The following RAP1GAP variants were observed in gnomAD, a reference collection of about 807,000 sequenced individuals.
RAP1GAP encodes RAP1 GTPase activating protein.
In RAP1GAP, 35 loss-of-function variants were observed where a neutral mutation model predicts 87.2. The ratio of observed to expected loss-of-function variants is 0.40; its 90% CI spans 0.31 to 0.53. RAP1GAP has a LOEUF of 0.53. Among genes scored for constraint, RAP1GAP ranks in the 20% least tolerant of loss-of-function variants. RAP1GAP has a pLI of 0.48. For synonymous variants in RAP1GAP, 375 were observed against 363.9 expected (o/e 1.03, Z -0.35); for missense variants, 734 against 898.9 (o/e 0.82, Z 2.35).
At chr1:21,597,835 C>G in intron 23 of RAP1GAP, 107 bp from the exon 24 acceptor site, 2 of 1,532,462 alleles carry the variant, frequency 1.3e-6, no homozygotes, top group Non-Finnish European at 1.8e-6. Context: ...GGGCAAGCCC[C>G]ACCCCTCCTG....
chr1:21,646,834 T>TCCTCTTGCATCTGCACACCTACTCTG (rs2096094490), intron 2 of RAP1GAP, among the ~76,000 whole-genome samples: 1 of 152,144 alleles, frequency 6.6e-6, no homozygotes, highest in Non-Finnish European at 1.5e-5. Flanking sequence ...TGGGCCTCCT[T>TCCTCTTGCATCTGCACACCTACTCTG]CCTCTTGCAT....
chr1:21,606,114 G>T lies in RAP1GAP; in HGVS notation c.1380C>A (p.Ser460Arg). The change falls in exon 18 of 25, where the codon AGC (serine) becomes AGA (arginine). Residue 460 changes from serine (S) to arginine (R), a missense_variant. By Grantham distance (110) the Ser-to-Arg change is moderately radical (BLOSUM62 -1). Transcript: ENST00000374765. ...CGGGGTTGTTGGGCGCGAAGCTCCC[G>T]CTGTGGCTGGTGGACACGGTGTTGG... is the stretch of plus-strand genomic sequence containing the variant. ...KKPNTVSTSH[S>R]GSFAPNNPDL... 6.3e-7 allele frequency: 1 copy of T among 1,587,368 alleles called. No homozygotes were observed. Among genetic ancestry groups the T allele is most frequent in the Non-Finnish European group, 8.6e-7 (1 of 1,167,162 alleles).
In RAP1GAP at chr1:21,626,292, G is replaced by A. The variant is rs2150262526; in HGVS notation, c.-19+12C>T. The stretch of plus-strand genomic sequence containing the variant: ...CAGACCAGGGGCCGTAGGTATGGAG[G>A]GGGACACTTACCTTAGGGTAGAGTG... On this transcript the variant is annotated intron_variant, in intron 3 of 24. Transcript: ENST00000374765. 1 of 1,584,534 alleles carries A rather than the reference G, an allele frequency of 6.3e-7. No homozygotes were observed. The highest frequency in any genetic ancestry group is 8.7e-7 in the Non-Finnish European group (1 of 1,153,222).
intron 2 of RAP1GAP, among the ~76,000 whole-genome samples, chr1:21,635,077 T>C (rs1558800306): frequency 6.6e-6 from 1 of 152,170 alleles, no homozygotes; most frequent in Non-Finnish European, 1.5e-5. Flanking sequence ...AACTGGAGCC[T>C]GGATGGAGAT....
At chr1:21,606,799 G>A (rs944486622) in intron 17 of RAP1GAP, among the ~76,000 whole-genome samples, 5 of 152,164 alleles carry the variant, frequency 3.3e-5, no homozygotes, top group Non-Finnish European at 5.9e-5. Flanking sequence ...CATGCCAACT[G>A]AGGCAGGGGT....
At chr1:21,598,341 T>C in intron 22 of RAP1GAP, 59 bp downstream of exon 22, 3 of 1,461,184 alleles carry the variant, frequency 2.1e-6, no homozygotes, top group Non-Finnish European at 2.9e-6. Flanking sequence ...TGCCCAGCCC[T>C]GTCCCCCTCC....
At chr1:21,646,818 T>C (rs2096093337) in intron 2 of RAP1GAP, among the ~76,000 whole-genome samples, 1 of 152,122 alleles carries the variant, frequency 6.6e-6, no homozygotes, top group Non-Finnish European at 1.5e-5. Context: ...CTCCCAACCC[T>C]CACACTGGGC....
chr1:21,634,817 G>T lies in RAP1GAP; in HGVS notation c.-112-8420C>A. ...CTCAGGTGGCCTGAGCCCCACTGTG[G>T]CCAAAACCTGACCCTTCCCACCCCA... On this transcript the variant is annotated intron_variant, in intron 2 of 24. Transcript: ENST00000374765. The surrounding 1 kb of genome is among the most constrained non-coding windows in gnomAD (Gnocchi z 4.1). The T allele has an allele frequency of 2.4e-6, 1 of 414,748 alleles. No homozygotes were observed. The allele number at this position is 414,748 out of a possible 1,614,324, so 25.7% of individuals were successfully genotyped here. A position where few individuals can be genotyped will look rare whatever the true frequency, so the allele number is the denominator to read the frequency against.
In RAP1GAP at chr1:21,617,915, C is replaced by G. The variant is rs544432270; in HGVS notation, c.105+19G>C. 2 of 1,614,078 alleles carry G rather than the reference C, an allele frequency of 1.2e-6. No homozygotes were observed. The highest frequency in any genetic ancestry group is 1.7e-6 in the Non-Finnish European group (2 of 1,179,988). The stretch of plus-strand genomic sequence containing the variant: ...TCCTGGGCTTGAGTAAGGGTGGGCG[C>G]GGGGTTCTAGCTGAGTACCTCGTGC... On this transcript the variant is annotated intron_variant, in intron 6 of 24. Transcript: ENST00000374765.
At position 21,601,725 on chromosome 1, in the gene RAP1GAP, T is replaced by A. The variant is rs1042611480; in HGVS notation, c.1611A>T (p.Ser537=). The change falls in exon 20 of 25, where the codon TCA becomes TCT. Residue 537 remains serine (S), a synonymous_variant. Transcript: ENST00000374765. ...GCATCTCTGGGGAGCTCTGAGTGGA[T>A]GAGTTCTCCGACTTGGGCTCCTGTG... ...HVSQEPKSEN[S]STQSSPEMPT... 6.2e-7 allele frequency: 1 copy of A among 1,612,442 alleles called. No individual in the cohort carries two copies. The highest frequency in any genetic ancestry group is 8.5e-7 in the Non-Finnish European group (1 of 1,178,938).
intron 17 of RAP1GAP, among the ~76,000 whole-genome samples, 187 bp from the exon 18 acceptor site, chr1:21,606,384 T>C (rs2074584176): frequency 6.6e-6 from 1 of 152,208 alleles, no homozygotes; most frequent in South Asian, 2.1e-4. Flanking sequence ...TCAATTTCCC[T>C]GTGCGTCACA....
In RAP1GAP at chr1:21,615,204, G is replaced by A. The variant is rs902328955; in HGVS notation, c.292-1115C>T. On this transcript the variant is annotated intron_variant, in intron 7 of 24. Coordinates refer to ENST00000374765, the MANE Select transcript of RAP1GAP (RefSeq NM_002885.4). The surrounding 1 kb of genome is among the most constrained non-coding windows in gnomAD (Gnocchi z 4.5). Reference sequence around the variant, plus strand: ...AGCCCCCGGGACACAGTGGGAGAGCGGGCTCAGGGTCCCAGGAAGTCAACG... The same window carrying A: ...AGCCCCCGGGACACAGTGGGAGAGCAGGCTCAGGGTCCCAGGAAGTCAACG... 2.0e-5 allele frequency among the ~76,000 whole-genome samples: 3 copies of A among 152,276 alleles called. No individual in the cohort carries two copies. Among genetic ancestry groups the A allele is most frequent in the East Asian group, 1.9e-4 (1 of 5,170 alleles).
At position 21,613,279 on chromosome 1, in the gene RAP1GAP, AGGATG is replaced by A; in HGVS notation, c.475-55_475-51del. On this transcript the variant is annotated intron_variant, in intron 9 of 24. Transcript: ENST00000374765. This position sits in a 1 kb window ranked among gnomAD's most constrained non-coding sequence, Gnocchi z 4.7. The stretch of plus-strand genomic sequence containing the variant: ...TGTGAGGTGTGGGGCCAGGGAGGAG[AGGATG>A]GGGCTGCCTGGGCCTCCCTGGTCAA... The A allele has an allele frequency of 6.7e-7, 1 of 1,486,994 alleles. No individual in the cohort carries two copies. Among genetic ancestry groups the A allele is most frequent in the Non-Finnish European group, 9.4e-7 (1 of 1,064,960 alleles). The allele number at this position is 1,486,994 out of a possible 1,614,324, so 92.1% of individuals were successfully genotyped here.
intron 21 of RAP1GAP, among the ~76,000 whole-genome samples, chr1:21,598,927 G>C (rs2065955676): frequency 6.6e-6 from 1 of 152,280 alleles, no homozygotes; most frequent in African/African-American, 2.4e-5. Context: ...GCTTGGCAAG[G>C]AACAGGGGCC....
intron 17 of RAP1GAP, 122 bp downstream of exon 17, chr1:21,608,091 A>G: frequency 7.3e-7 from 1 of 1,376,988 alleles, no homozygotes; most frequent in Non-Finnish European, 9.7e-7. Context: ...CCACCCCCTC[A>G]GCCACGCCCC....
intron 1 of RAP1GAP, among the ~76,000 whole-genome samples, chr1:21,666,025 G>T (rs572378258): frequency 6.6e-6 from 1 of 152,358 alleles, no homozygotes; most frequent in East Asian, 1.9e-4. Flanking sequence ...ACTTGTCCGG[G>T]CCACACAGCC....
Position 21,610,204 on chromosome 1 carries a change from C to G in RAP1GAP, c.915G>C (p.Val305=), listed in dbSNP as rs771394287. ...GGAAGTTGGACGCGATCATGTCGGG[C>G]ACGAAAGGAGTGTTCTCATCCTGGA... The part of the protein sequence containing the change: ...VVFQDENTPF[V]PDMIASNFLH... The change falls in exon 14 of 25, where the codon GTG becomes GTC. Residue 305 remains valine (V), a synonymous_variant. Coordinates refer to ENST00000374765, the MANE Select transcript of RAP1GAP (RefSeq NM_002885.4). 1 of 1,614,162 alleles carries G rather than the reference C, an allele frequency of 6.2e-7. No individual in the cohort carries two copies. The highest frequency in any genetic ancestry group is 8.5e-7 in the Non-Finnish European group (1 of 1,180,036).
Position 21,619,712 on chromosome 1 carries a change from C to T in RAP1GAP, c.18+303G>A, listed in dbSNP as rs1378467470. On this transcript the variant is annotated intron_variant, in intron 4 of 24. Coordinates refer to ENST00000374765, the MANE Select transcript of RAP1GAP (RefSeq NM_002885.4). ...CCCCCCACCACAAAGCCTGCGGTGT[C>T]TCTCACTGGGTGAGAGGCAGTGTAT... Among the ~76,000 whole-genome samples the T allele has an allele frequency of 3.9e-5, 6 of 152,042 alleles. No homozygotes were observed. The South Asian group carries it at 1.0e-3, about 26-fold the overall frequency.
chr1:21,617,262 G>A (rs2082808067), intron 7 of RAP1GAP, 44 bp downstream of exon 7: 2 of 1,545,880 alleles, frequency 1.3e-6, no homozygotes, highest in African/African-American at 1.4e-5. Context: ...GGGCTGAACT[G>A]TGACCCACCC....
Sources: allele counts gnomAD v4.1 joint callset (sites outside exome capture counted in the v4.1 genomes callset), GRCh38; gene constraint gnomAD v4.1.1; non-coding constraint Gnocchi (gnomAD v3.1); transcripts MANE v1.5; gene names NCBI Gene and HGNC (gene_info 2026-07-23, HGNC 2026-07-21).